Variants in BMF observed in about 807,000 individuals in gnomAD.
The protein encoded by BMF is Bcl2 modifying factor.
In BMF, 10 loss-of-function variants were observed where a neutral mutation model predicts 22.0. The ratio of observed to expected loss-of-function variants is 0.45; its 90% CI spans 0.28 to 0.77. BMF has a LOEUF of 0.77. BMF is among the 30% of genes least tolerant of loss of function. BMF has a pLI of 0.13. For synonymous variants in BMF, 87 were observed against 88.1 expected (o/e 0.99, Z 0.07); for missense variants, 206 against 226.8 (o/e 0.91, Z 0.59).
rs1385887219 is a variant in BMF at position 40,108,762 on chromosome 15, C to A, written c.-134+11G>T. ...CTCCGCCCGGCCCCCGGCGGCCACC[C>A]GGGCGCTCACCGGGCTGCGGCAGGA... On this transcript the variant is annotated intron_variant, in intron 1 of 4. Transcript: ENST00000354670. The A allele has an allele frequency of 2.6e-5, 4 of 153,516 alleles. No individual in the cohort carries two copies. The highest frequency in any genetic ancestry group is 1.8e-4 in the South Asian group (1 of 5,672). The allele number at this position is 153,516 out of a possible 1,614,324, so 9.5% of individuals were successfully genotyped here.
intron 3 of BMF, among the ~76,000 whole-genome samples, chr15:40,104,634 C>T (rs1040499097): frequency 2.6e-5 from 4 of 152,308 alleles, no homozygotes; most frequent in South Asian, 2.1e-4. Flanking sequence ...GCCAGCCTTC[C>T]GTCCTTATTT....
In BMF at chr15:40,106,720, C is replaced by CT. The variant is rs2036596514; in HGVS notation, c.-5-630_-5-629insA. 1 of 152,390 alleles carries CT rather than the reference C, an allele frequency of 6.6e-6. No individual in the cohort carries two copies. The highest frequency in any genetic ancestry group is 2.4e-5 in the African/African-American group (1 of 41,456). 9.4% of individuals were successfully genotyped at this position (152,390 alleles called of 1,614,324 possible). ...ATCTCCACCCCTTGCTTGCACAACA[C>CT]AACAAACAGGCTCTGCAGTGTGGTA... On this transcript the variant is annotated intron_variant, in intron 2 of 4. Coordinates refer to ENST00000354670, the MANE Select transcript of BMF (RefSeq NM_001003940.2). This position sits in a 1 kb window ranked among gnomAD's most constrained non-coding sequence, Gnocchi z 4.1.
chr15:40,095,089 G>A lies in BMF; in HGVS notation c.454-3201C>T, dbSNP rs2036328556. Among the ~76,000 whole-genome samples, 9 of 152,308 alleles carry A rather than the reference G, an allele frequency of 5.9e-5. No individual in the cohort carries two copies. In the South Asian group the frequency reaches 1.9e-3, roughly 32 times the overall value. ...CTCAGAGCTCCAACAACTGAATTCT[G>A]TCAGCTGAGTGTAGGGCCTGGGAAC... is the stretch of plus-strand genomic sequence containing the variant. On this transcript the variant is annotated intron_variant, in intron 4 of 4. Transcript: ENST00000354670.
At chr15:40,108,116 C>T (rs1003935068) in intron 2 of BMF, 143 bp downstream of exon 2, 1 of 152,596 alleles carries the variant, frequency 6.6e-6, no homozygotes, top group Non-Finnish European at 1.5e-5. Context: ...CCGCTGCAGC[C>T]ATCCCAACCC....
rs570938093 is a variant in BMF, at chr15:40,092,268, GAGA to G, written c.454-383_454-381del. On this transcript the variant is annotated intron_variant, in intron 4 of 4. Coordinates refer to ENST00000354670, the MANE Select transcript of BMF (RefSeq NM_001003940.2). ...ATGAACAACAAACTGGCTTCAGAAA[GAGA>G]AGAAGTGCCCCCCTCTCTCCCCCGA... Among the ~76,000 whole-genome samples the G allele has an allele frequency of 1.6e-3, 245 of 152,252 alleles. 1 individual carries two copies. Among genetic ancestry groups the G allele is most frequent in the Middle Eastern group, 0.014 (4 of 294 alleles).
At chr15:40,092,788 G>C (rs892294295) in intron 4 of BMF, among the ~76,000 whole-genome samples, 1 of 152,094 alleles carries the variant, frequency 6.6e-6, no homozygotes, top group Non-Finnish European at 1.5e-5. Context: ...AGAGGCCTGG[G>C]GGGGTGGAAA....
chr15:40,103,576 G>C (rs974924753), intron 4 of BMF, among the ~76,000 whole-genome samples: 3 of 152,150 alleles, frequency 2.0e-5, no homozygotes, highest in Non-Finnish European at 4.4e-5. Context: ...TGCCGGCCAA[G>C]CGCCCGGCTG....
intron 4 of BMF, among the ~76,000 whole-genome samples, chr15:40,098,997 C>T (rs553091119): frequency 2.0e-5 from 3 of 152,218 alleles, no homozygotes; most frequent in African/African-American, 7.2e-5. Context: ...CTGGCTCTCA[C>T]GCACTCTGGC....
At position 40,108,348 on chromosome 15, in the gene BMF, G is replaced by A. The variant is rs1317680585; in HGVS notation, c.-95C>T. The A allele has an allele frequency of 1.3e-5, 2 of 152,858 alleles. No homozygotes were observed. Among genetic ancestry groups the A allele is most frequent in the Non-Finnish European group, 2.9e-5 (2 of 68,214 alleles). The allele number at this position is 152,858 out of a possible 1,614,324, so 9.5% of individuals were successfully genotyped here. On this transcript the variant is annotated 5_prime_UTR_variant, in exon 2 of 5. Coordinates refer to ENST00000354670, the MANE Select transcript of BMF (RefSeq NM_001003940.2). ...CAGCGTGACGAGCACTCGGGGGCTG[G>A]ACGCCCAGACTCGATTGGGAAGGAG...
At chr15:40,103,138 G>C (rs1344828382) in intron 4 of BMF, among the ~76,000 whole-genome samples, 1 of 152,208 alleles carries the variant, frequency 6.6e-6, no homozygotes, top group Non-Finnish European at 1.5e-5. Context: ...ACCACCTGAA[G>C]CTACCCTTCT....
rs955767046 is a variant in BMF at position 40,096,471 on chromosome 15, CCAAA to C, written c.454-4587_454-4584del. 1.1e-4 allele frequency among the ~76,000 whole-genome samples: 16 copies of C among 152,330 alleles called. No homozygotes were observed. In the South Asian group the frequency reaches 1.7e-3, roughly 16 times the overall value. On this transcript the variant is annotated intron_variant, in intron 4 of 4. Coordinates refer to ENST00000354670, the MANE Select transcript of BMF (RefSeq NM_001003940.2). ...ACCTAACTCACAAAATGCAAATTTA[CCAAA>C]CAGAGAGCAACTTATAATATCTCAG...
chr15:40,092,369 A>G (rs2036255321), intron 4 of BMF, among the ~76,000 whole-genome samples: 1 of 152,202 alleles, frequency 6.6e-6, no homozygotes, highest in East Asian at 1.9e-4. Context: ...TGTGAAGGTC[A>G]AAGGGTTAAT....
rs1163962184 is a variant in BMF, at chr15:40,088,800, T to A, written c.*2987A>T. ...GAGGTGATCTTTTTCCACCTCGGAT[T>A]GAGCAAGAGAAGGCTGCCAGTGGCC... On this transcript the variant is annotated 3_prime_UTR_variant, in exon 5 of 5. Coordinates refer to ENST00000354670, the MANE Select transcript of BMF (RefSeq NM_001003940.2). 2 of 152,346 alleles carry A rather than the reference T, an allele frequency of 1.3e-5. No individual in the cohort carries two copies. The highest frequency in any genetic ancestry group is 2.9e-5 in the Non-Finnish European group (2 of 68,152). 9.4% of individuals were successfully genotyped at this position (152,346 alleles called of 1,614,324 possible). A position where few individuals can be genotyped will look rare whatever the true frequency, so the allele number is the denominator to read the frequency against.
intron 4 of BMF, among the ~76,000 whole-genome samples, chr15:40,098,893 C>T (rs1013193500): frequency 1.3e-5 from 2 of 152,194 alleles, no homozygotes; most frequent in African/African-American, 4.8e-5. Flanking sequence ...AACTCAGCCT[C>T]TAGTCTGCCA....
Position 40,108,251 on chromosome 15 carries a change from C to CA in BMF, c.-6+7_-6+8insT, listed in dbSNP as rs3222153. Reference sequence around the variant, plus strand: ...ACACACACACACACACACACACACACCCCAGACCTGGGTGACTCCAGGAGA... The same window carrying CA: ...ACACACACACACACACACACACACACACCCAGACCTGGGTGACTCCAGGAGA... On this transcript the variant is annotated splice_region_variant and intron_variant, in intron 2 of 4. Coordinates refer to ENST00000354670, the MANE Select transcript of BMF (RefSeq NM_001003940.2). 2.3e-4 allele frequency: 35 copies of CA among 151,590 alleles called. No homozygotes were observed. The South Asian group carries it at 4.4e-3, about 19-fold the overall frequency. The allele number at this position is 151,590 out of a possible 1,614,324, so 9.4% of individuals were successfully genotyped here.
chr15:40,098,096 A>G (rs2036402961), intron 4 of BMF, among the ~76,000 whole-genome samples: 1 of 152,280 alleles, frequency 6.6e-6, no homozygotes, highest in Non-Finnish European at 1.5e-5. Context: ...GAGCTTCCTC[A>G]GCCCAGCCAG....
chr15:40,103,448 G>A (rs1010126983), intron 4 of BMF, among the ~76,000 whole-genome samples: 3 of 152,262 alleles, frequency 2.0e-5, no homozygotes, highest in Non-Finnish European at 2.9e-5. Context: ...GCAGCCTCCA[G>A]GCCATGGCAC....
At chr15:40,099,528 C>T (rs528101825) in intron 4 of BMF, among the ~76,000 whole-genome samples, 59 of 152,254 alleles carry the variant, frequency 3.9e-4, no homozygotes, top group African/African-American at 1.1e-3. Flanking sequence ...CCTGTAATCC[C>T]AGCACTTTGG....
intron 4 of BMF, among the ~76,000 whole-genome samples, chr15:40,093,775 C>T (rs1259906064): frequency 2.6e-5 from 4 of 151,998 alleles, no homozygotes; most frequent in Non-Finnish European, 4.4e-5. Flanking sequence ...GGGTGGCAGT[C>T]GGGGGTGGGG....
Sources: gnomAD v4.1 joint callset for allele counts (sites outside exome capture counted in the v4.1 genomes callset) on GRCh38, gnomAD v4.1.1 for gene constraint, Gnocchi (gnomAD v3.1) non-coding constraint, MANE v1.5 for transcripts, NCBI Gene and HGNC (gene_info 2026-07-23, HGNC 2026-07-21) for gene names.